The following SNRPG variants were observed in gnomAD, a reference collection of about 807,000 sequenced individuals.
SNRPG encodes the protein small nuclear ribonucleoprotein G.
A neutral mutation model predicts 13.9 loss-of-function variants in SNRPG; 3 were observed. The observed-to-expected ratio is 0.22, with a 90% CI of 0.10 to 0.56. SNRPG has a LOEUF of 0.56. Among genes scored for constraint, SNRPG ranks in the 20% least tolerant of loss-of-function variants. The pLI is 0.93. For synonymous variants in SNRPG, 29 were observed against 29.3 expected, an observed-to-expected ratio of 0.99 and a Z score of 0.03; for missense variants, 34 against 96.1, an observed-to-expected ratio of 0.35 and a Z score of 2.70.
intron 1 of SNRPG, chr2:70,291,286 T>A (rs1697090258): frequency 6.6e-6 from 1 of 152,152 alleles, no homozygotes; most frequent in Admixed American, 6.5e-5. Context: ...AATACCTGAG[T>A]ATTAGCAGCT....
Position 70,293,690 on chromosome 2 carries a change from C to A in SNRPG, c.-41G>T. The A allele has an allele frequency of 6.2e-7, 1 of 1,601,926 alleles. No individual in the cohort carries two copies. Among genetic ancestry groups the A allele is most frequent in the Non-Finnish European group, 8.6e-7 (1 of 1,168,932 alleles). On this transcript the variant is annotated 5_prime_UTR_variant, in exon 1 of 4. Transcript: ENST00000272348. ...GGCTCACAGATGCCTTGGAACGCAA[C>A]GCACGGCTTTCCTCACGCTCCCGCT...
chr2:70,289,805 T>A (rs1279790483), intron 1 of SNRPG, among the ~76,000 whole-genome samples: 1 of 151,704 alleles, frequency 6.6e-6, no homozygotes, highest in African/African-American at 2.4e-5. Context: ...AGCGAAACTG[T>A]CTCAGGGGAA....
intron 1 of SNRPG, chr2:70,291,179 C>T (rs1321181044): frequency 2.0e-5 from 3 of 152,160 alleles, no homozygotes; most frequent in African/African-American, 7.2e-5. Flanking sequence ...ACCGTTTTTA[C>T]AGATGGAGAA....
chr2:70,290,794 T>A (rs921733115), intron 1 of SNRPG, among the ~76,000 whole-genome samples: 21 of 111,294 alleles, frequency 1.9e-4, no homozygotes, highest in Non-Finnish European at 3.5e-4. Context: ...GAGACCAGCC[T>A]GATCAACATG....
In SNRPG at chr2:70,291,058, C is replaced by CACACACAT. The variant is rs3222847; in HGVS notation, c.33-1687_33-1686insATGTGTGT. ...ACACACACACACACACACACACACA[C>CACACACAT]ATATATGAAGTAAACTATATTTTAA... On this transcript the variant is annotated intron_variant, in intron 1 of 3. Coordinates refer to ENST00000272348, the MANE Select transcript of SNRPG (RefSeq NM_003096.4). 8.1e-5 allele frequency among the ~76,000 whole-genome samples: 11 copies of CACACACAT among 136,210 alleles called. No individual in the cohort carries two copies. In the South Asian group the frequency reaches 9.0e-4, roughly 11 times the overall value. The allele number at this position is 136,210 out of a possible 152,430, so 89.4% of individuals were successfully genotyped here.
At chr2:70,282,624 T>C (rs1031329206) in intron 3 of SNRPG, among the ~76,000 whole-genome samples, 3 of 152,124 alleles carry the variant, frequency 2.0e-5, no homozygotes, top group Non-Finnish European at 4.4e-5. Flanking sequence ...AAACTAACAA[T>C]GAGCCAGTGA....
chr2:70,291,900 C>T (rs1360934045), intron 1 of SNRPG, among the ~76,000 whole-genome samples: 1 of 150,090 alleles, frequency 6.7e-6, no homozygotes, highest in Non-Finnish European at 1.5e-5. Context: ...CCAAAAATAA[C>T]TTTCAGATAA....
chr2:70,283,107 A>AC (rs1696844214), intron 3 of SNRPG, among the ~76,000 whole-genome samples: 4 of 145,398 alleles, frequency 2.8e-5, no homozygotes, highest in Non-Finnish European at 4.5e-5. Context: ...AAAAAAAAAA[A>AC]AAAAAAAAAA....
rs891674502 is a variant in SNRPG, at chr2:70,293,664, G to C, written c.-15C>G. Reference sequence around the variant, plus strand: ...GCTTTGCTCATGGTGTATACTCCGCGGGCTCACAGATGCCTTGGAACGCAA... The same window carrying C: ...GCTTTGCTCATGGTGTATACTCCGCCGGCTCACAGATGCCTTGGAACGCAA... On this transcript the variant is annotated 5_prime_UTR_variant, in exon 1 of 4. Transcript: ENST00000272348. The C allele has an allele frequency of 1.9e-6, 3 of 1,613,758 alleles. No individual in the cohort carries two copies. The highest frequency in any genetic ancestry group is 2.5e-6 in the Non-Finnish European group (3 of 1,179,666).
chr2:70,287,268 T>G (rs1462794012), intron 3 of SNRPG: 2 of 700,350 alleles, frequency 2.9e-6, no homozygotes, highest in South Asian at 3.0e-5. Flanking sequence ...CTCTTACCAC[T>G]CCTTGGAGGT....
chr2:70,293,554 G>T (rs1697161494), intron 1 of SNRPG, 64 bp downstream of exon 1: 1 of 1,350,856 alleles, frequency 7.4e-7, no homozygotes, highest in Non-Finnish European at 1.1e-6. Flanking sequence ...AACGGAGAGG[G>T]AACCAAGGGA....
At chr2:70,283,970 A>T (rs1696878131) in intron 3 of SNRPG, among the ~76,000 whole-genome samples, 1 of 152,196 alleles carries the variant, frequency 6.6e-6, no homozygotes, top group Non-Finnish European at 1.5e-5. Flanking sequence ...AGGTGGAAGG[A>T]TCAACTGAGC....
chr2:70,281,726 A>AACAGACAT lies in SNRPG; in HGVS notation c.181-50_181-43dup, dbSNP rs746748711. 6 of 1,005,522 alleles carry AACAGACAT rather than the reference A, an allele frequency of 6.0e-6. No individual in the cohort carries two copies. The South Asian group carries it at 8.2e-5, about 14-fold the overall frequency. 62.3% of individuals were successfully genotyped at this position (1,005,522 alleles called of 1,614,324 possible). On this transcript the variant is annotated intron_variant, in intron 3 of 3. Coordinates refer to ENST00000272348, the MANE Select transcript of SNRPG (RefSeq NM_003096.4). ...TAAATTTGAAAAGAACAACTCAGGTAACAGACATAACTATGATGATTTAAG... is the reference window on the plus strand; with the variant it reads ...TAAATTTGAAAAGAACAACTCAGGTAACAGACATACAGACATAACTATGATGATTTAAG...
chr2:70,290,904 G>T (rs1366625752), intron 1 of SNRPG, among the ~76,000 whole-genome samples: 1 of 147,938 alleles, frequency 6.8e-6, no homozygotes, highest in Non-Finnish European at 1.5e-5. Context: ...CCAGCTACTC[G>T]GGAGGCTGAG....
intron 3 of SNRPG, among the ~76,000 whole-genome samples, chr2:70,282,699 G>A (rs1040836258): frequency 6.6e-6 from 1 of 152,034 alleles, no homozygotes; most frequent in Non-Finnish European, 1.5e-5. Flanking sequence ...TAAATACGCC[G>A]AAGTTTGAAT....
At chr2:70,285,851 G>A (rs894292035) in intron 3 of SNRPG, among the ~76,000 whole-genome samples, 1 of 152,194 alleles carries the variant, frequency 6.6e-6, no homozygotes, top group African/African-American at 2.4e-5. Flanking sequence ...TAGAGGCGAT[G>A]CCACTGACAA....
At chr2:70,290,826 A>C (rs1697069580) in intron 1 of SNRPG, among the ~76,000 whole-genome samples, 1 of 37,654 alleles carries the variant, frequency 2.7e-5, no homozygotes, top group Admixed American at 4.2e-4. Flanking sequence ...TCTCTACTAA[A>C]AAAAAAAAAA....
chr2:70,293,363 GCCAGACC>G (rs1488452593), intron 1 of SNRPG: 1 of 631,668 alleles, frequency 1.6e-6, no homozygotes, highest in African/African-American at 1.8e-5. Flanking sequence ...GTGACCAGGG[GCCAGACC>G]GCGGGACCTG....
intron 1 of SNRPG, 26 bp downstream of exon 1, chr2:70,293,592 T>G: frequency 6.2e-7 from 1 of 1,607,366 alleles, no homozygotes; most frequent in East Asian, 2.2e-5. Flanking sequence ...ACTGACCACT[T>G]CGGTTTGGCT....
Sources: gnomAD v4.1 joint callset for allele counts (sites outside exome capture counted in the v4.1 genomes callset) on GRCh38, gnomAD v4.1.1 for gene constraint, MANE v1.5 for transcripts, NCBI Gene and HGNC (gene_info 2026-07-23, HGNC 2026-07-21) for gene names.